Variants in SLC14A2 observed in about 807,000 individuals in gnomAD.
SLC14A2 encodes the protein urea transporter 2.
SLC14A2 carries 91 observed loss-of-function variants against 104.6 expected under a neutral mutation model. That is an observed-to-expected ratio of 0.87 (90% confidence interval 0.73 to 1.04). The LOEUF (loss-of-function observed/expected upper bound fraction) is 1.04. Ranked by LOEUF, SLC14A2 falls within the 50% of genes least tolerant of loss-of-function variation. The pLI is 0.00. For missense variants in SLC14A2, 1,189 were observed against 1,156.0 expected (o/e 1.03, Z -0.41); for synonymous variants, 476 against 466.4 (o/e 1.02, Z -0.27).
At chr18:45,318,407 G>A (rs1314633453) in intron 1 of SLC14A2, among the ~76,000 whole-genome samples, 1 of 152,220 alleles carries the variant, frequency 6.6e-6, no homozygotes, top group Non-Finnish European at 1.5e-5. Flanking sequence ...AAGGGCCACA[G>A]GCTCAGGGCA....
intron 1 of SLC14A2, among the ~76,000 whole-genome samples, chr18:45,442,868 G>A (rs1027175187): frequency 1.1e-4 from 16 of 152,162 alleles, no homozygotes; most frequent in Non-Finnish European, 1.3e-4. Flanking sequence ...ATTCCCTCCT[G>A]TATACATCAA....
chr18:45,531,104 G>A (rs1342022237), intron 2 of SLC14A2, among the ~76,000 whole-genome samples: 1 of 152,056 alleles, frequency 6.6e-6, no homozygotes, highest in Non-Finnish European at 1.5e-5. Context: ...TATCATTGTT[G>A]GACATTTGGG....
At chr18:45,302,165 T>A (rs1405981450) in intron 1 of SLC14A2, among the ~76,000 whole-genome samples, 1 of 152,242 alleles carries the variant, frequency 6.6e-6, no homozygotes, top group African/African-American at 2.4e-5. Context: ...AGTACTCCTT[T>A]CAAAAATATA....
intron 1 of SLC14A2, among the ~76,000 whole-genome samples, chr18:45,419,499 C>T (rs1456217414): frequency 6.6e-6 from 1 of 152,106 alleles, no homozygotes; most frequent in African/African-American, 2.4e-5. Context: ...TCAGGTCGGG[C>T]GTGGTGGCTC....
chr18:45,176,348 A>G, the SLC14A2 span, among the ~76,000 whole-genome samples: 28 of 152,190 alleles, frequency 1.8e-4, no homozygotes, highest in African/African-American at 6.5e-4. Flanking sequence ...CAGAAGAGGG[A>G]TTTGAACCCA....
chr18:45,460,383 A>G (rs2087022673), intron 1 of SLC14A2, among the ~76,000 whole-genome samples: 1 of 152,168 alleles, frequency 6.6e-6, no homozygotes, highest in Admixed American at 6.5e-5. Flanking sequence ...CCCCACATGT[A>G]CACACTAGGG....
intron 1 of SLC14A2, among the ~76,000 whole-genome samples, chr18:45,261,157 TC>T (rs567378643): frequency 6.6e-6 from 1 of 151,550 alleles, no homozygotes; most frequent in African/African-American, 2.4e-5. Flanking sequence ...ATGATATTCC[TC>T]CCCCCTGCCC....
At chr18:45,465,557 C>T (rs897253978) in intron 1 of SLC14A2, among the ~76,000 whole-genome samples, 3 of 152,116 alleles carry the variant, frequency 2.0e-5, no homozygotes, top group African/African-American at 7.2e-5. Flanking sequence ...GGGCCCGAAG[C>T]CTCCCTCCCT....
the SLC14A2 span, among the ~76,000 whole-genome samples, chr18:45,186,819 C>T: frequency 2.0e-5 from 3 of 152,188 alleles, no homozygotes; most frequent in African/African-American, 7.2e-5. Context: ...CTCCCAGAGG[C>T]TGCCATCTTA....
chr18:45,215,303 A>G (rs2084000242), intron 1 of SLC14A2, among the ~76,000 whole-genome samples: 1 of 152,204 alleles, frequency 6.6e-6, no homozygotes, highest in South Asian at 2.1e-4. Context: ...TTACACACCA[A>G]GGAAAAGTCA....
At chr18:45,417,628 G>T (rs957256333) in intron 1 of SLC14A2, among the ~76,000 whole-genome samples, 2 of 152,216 alleles carry the variant, frequency 1.3e-5, no homozygotes, top group African/African-American at 4.8e-5. Context: ...CTCCCACCAG[G>T]TCCCTTGCAT....
At chr18:45,443,793 A>G (rs1444871274) in intron 1 of SLC14A2, among the ~76,000 whole-genome samples, 1 of 152,204 alleles carries the variant, frequency 6.6e-6, no homozygotes, top group Non-Finnish European at 1.5e-5. Flanking sequence ...ACCCTACATC[A>G]GTCACTCAGA....
At chr18:45,472,228 A>G (rs1220329869) in intron 1 of SLC14A2, among the ~76,000 whole-genome samples, 1 of 152,282 alleles carries the variant, frequency 6.6e-6, no homozygotes, top group South Asian at 2.1e-4. Flanking sequence ...CATGCTGCAT[A>G]GTATTCCGTG....
intron 1 of SLC14A2, among the ~76,000 whole-genome samples, chr18:45,281,050 A>C (rs572947662): frequency 2.6e-5 from 4 of 152,096 alleles, no homozygotes; most frequent in African/African-American, 9.7e-5. Context: ...TCCCTTGAAC[A>C]TCAGTCTAAA....
At chr18:45,520,215 A>T (rs1050916434) in intron 2 of SLC14A2, among the ~76,000 whole-genome samples, 1 of 152,222 alleles carries the variant, frequency 6.6e-6, no homozygotes, top group Non-Finnish European at 1.5e-5. Context: ...CAGTGCAGAG[A>T]ATCAAGATGT....
chr18:45,586,824 CTG>C (rs1235946527), intron 2 of SLC14A2, among the ~76,000 whole-genome samples: 5 of 152,130 alleles, frequency 3.3e-5, no homozygotes, highest in Non-Finnish European at 7.3e-5. Context: ...CCAAGGGACA[CTG>C]TCAGGGATCA....
rs1479683903 is a variant in SLC14A2, at chr18:45,228,615, CTTAG to C, written c.-125+15429_-125+15432del. Among the ~76,000 whole-genome samples, 3 of 152,122 alleles carry C rather than the reference CTTAG, an allele frequency of 2.0e-5. No individual in the cohort carries two copies. The East Asian group carries it at 5.8e-4, about 29-fold the overall frequency. ...ATTTCTGGACCTTCCCCCTTCTCTT[CTTAG>C]TTAGGGGGTGGAAAGACATCCTTCA... On this transcript the variant is annotated intron_variant, in intron 1 of 20. Transcript: ENST00000586448.
chr18:45,392,355 G>A (rs984379960), intron 1 of SLC14A2, among the ~76,000 whole-genome samples: 5 of 152,170 alleles, frequency 3.3e-5, no homozygotes. Context: ...GAAAGGAGGA[G>A]AATTTTTAAA....
At chr18:45,602,291 T>G (rs908655611) in intron 2 of SLC14A2, among the ~76,000 whole-genome samples, 2 of 152,202 alleles carry the variant, frequency 1.3e-5, no homozygotes, top group Admixed American at 1.3e-4. Flanking sequence ...AGAGGGTTAG[T>G]GAGCAGAGTG....
Sources: gnomAD v4.1 joint callset for allele counts (sites outside exome capture counted in the v4.1 genomes callset) on GRCh38, gnomAD v4.1.1 for gene constraint, MANE v1.5 for transcripts, NCBI Gene and HGNC (gene_info 2026-07-23, HGNC 2026-07-21) for gene names.